ATP10B: variants seen among roughly 807,000 people sequenced by gnomAD.
ATP10B encodes ATPase phospholipid transporting 10B (putative).
In ATP10B, 122 loss-of-function variants were observed where a neutral mutation model predicts 141.2. The ratio of observed to expected loss-of-function variants is 0.86; its 90% CI spans 0.75 to 1.00. The LOEUF is 1.00. Among genes scored for constraint, ATP10B ranks in the 50% least tolerant of loss-of-function variants. The pLI is 0.00. For missense variants in ATP10B, 1,876 were observed against 1,825.3 expected (o/e 1.03, Z -0.51); for synonymous variants, 685 against 692.0 (o/e 0.99, Z 0.16).
chr5:160,849,004 T>C (rs567852169), intron 1 of ATP10B, among the ~76,000 whole-genome samples: 2 of 152,302 alleles, frequency 1.3e-5, no homozygotes, highest in South Asian at 4.1e-4. Flanking sequence ...AAAACAGATT[T>C]CTGAGTGATC....
chr5:160,883,742 C>T, the ATP10B span, among the ~76,000 whole-genome samples: 16 of 151,884 alleles, frequency 1.1e-4, no homozygotes, highest in South Asian at 2.1e-4. Flanking sequence ...TCAAAACACA[C>T]GCAAAAAGAA....
intron 1 of ATP10B, among the ~76,000 whole-genome samples, chr5:160,809,360 A>G (rs186918437): frequency 2.0e-4 from 31 of 152,304 alleles, no homozygotes; most frequent in African/African-American, 6.3e-4. Flanking sequence ...TTATCCATCT[A>G]TGGCCACTAG....
At chr5:160,632,497 T>C in intron 12 of ATP10B, 130 bp from the exon 13 acceptor site, 1 of 806,638 alleles carries the variant, frequency 1.2e-6, no homozygotes, top group Non-Finnish European at 2.0e-6. Context: ...AATTGGCATC[T>C]GGGCTACCAA....
chr5:160,707,826 C>A (rs773306595), intron 3 of ATP10B, among the ~76,000 whole-genome samples: 8 of 152,184 alleles, frequency 5.3e-5, no homozygotes, highest in Non-Finnish European at 1.0e-4. Flanking sequence ...TTTAAGTACT[C>A]CTGTGGCTTG....
At chr5:160,858,220 GTC>G in the ATP10B span, among the ~76,000 whole-genome samples, 6 of 151,708 alleles carry the variant, frequency 4.0e-5, no homozygotes, top group African/African-American at 4.8e-5. Context: ...ATTATATAAT[GTC>G]TCTGTCTCTG....
chr5:160,659,930 C>A (rs1243054166), intron 7 of ATP10B, among the ~76,000 whole-genome samples: 2 of 152,076 alleles, frequency 1.3e-5, no homozygotes, highest in African/African-American at 4.8e-5. Flanking sequence ...CACTATATTA[C>A]CTGGATAATC....
At position 160,604,025 on chromosome 5, in the gene ATP10B, A is replaced by G; in HGVS notation, c.3177T>C (p.Asp1059=). Residue 1059 remains aspartate (D), a synonymous_variant, in exon 20 of 26, where the codon GAT becomes GAC. Coordinates refer to ENST00000327245, the MANE Select transcript of ATP10B (RefSeq NM_025153.3). ...TATCAGCAGCTTGAATCATGCTTAC[A>G]TCATTTGCTCCATCACCTGAAAGAG... is the stretch of plus-strand genomic sequence containing the variant. ...MTLSIGDGAN[D]VSMIQAADIG... 1.2e-6 allele frequency: 2 copies of G among 1,613,918 alleles called. No homozygotes were observed. Among genetic ancestry groups the G allele is most frequent in the Non-Finnish European group, 8.5e-7 (1 of 1,179,912 alleles).
At chr5:160,675,139 C>A (rs1458212946) in intron 6 of ATP10B, among the ~76,000 whole-genome samples, 1 of 152,174 alleles carries the variant, frequency 6.6e-6, no homozygotes, top group Non-Finnish European at 1.5e-5. Context: ...CAGGAGCCGC[C>A]TGCAGAAGTC....
chr5:160,873,178 C>G, the ATP10B span, among the ~76,000 whole-genome samples: 1 of 149,104 alleles, frequency 6.7e-6, no homozygotes, highest in African/African-American at 2.5e-5. Flanking sequence ...TGATTCTCTG[C>G]GGTCTCTTGT....
chr5:160,791,849 G>A (rs1206042515), intron 1 of ATP10B, among the ~76,000 whole-genome samples: 1 of 152,126 alleles, frequency 6.6e-6, no homozygotes, highest in Non-Finnish European at 1.5e-5. Context: ...TGGACTTGGA[G>A]AGAAAACTGA....
At chr5:160,830,789 G>A (rs1239895045) in intron 1 of ATP10B, among the ~76,000 whole-genome samples, 2 of 152,034 alleles carry the variant, frequency 1.3e-5, no homozygotes, top group Admixed American at 6.6e-5. Context: ...ATGGAATCTA[G>A]AAGGATCACT....
chr5:160,831,868 A>C (rs112169626), intron 1 of ATP10B, among the ~76,000 whole-genome samples: 17 of 152,264 alleles, frequency 1.1e-4, no homozygotes, highest in African/African-American at 3.6e-4. Flanking sequence ...TGGTTTGAAT[A>C]AAGTTAAATT....
chr5:160,771,605 G>T (rs1769908966), intron 2 of ATP10B, among the ~76,000 whole-genome samples: 1 of 152,224 alleles, frequency 6.6e-6, no homozygotes, highest in East Asian at 1.9e-4. Flanking sequence ...CTATAGTCAA[G>T]CTAATTAACA....
intron 3 of ATP10B, among the ~76,000 whole-genome samples, chr5:160,703,092 T>C (rs895967967): frequency 3.9e-5 from 6 of 152,180 alleles, no homozygotes; most frequent in Admixed American, 1.3e-4. Context: ...GAAATTGTGG[T>C]TTGGAGGATG....
At chr5:160,830,994 C>CTCAA (rs1775037723) in intron 1 of ATP10B, among the ~76,000 whole-genome samples, 1 of 151,332 alleles carries the variant, frequency 6.6e-6, no homozygotes. Context: ...CACACACACA[C>CTCAA]ACACAGAGTG....
chr5:160,835,567 G>T (rs921247255), intron 1 of ATP10B, among the ~76,000 whole-genome samples: 1 of 152,120 alleles, frequency 6.6e-6, no homozygotes, highest in Non-Finnish European at 1.5e-5. Context: ...CACCTCAGGG[G>T]TTAAGGATAA....
At chr5:160,877,339 T>C in the ATP10B span, among the ~76,000 whole-genome samples, 1 of 134,528 alleles carries the variant, frequency 7.4e-6, no homozygotes, top group Non-Finnish European at 1.6e-5. Context: ...CAACAACCCT[T>C]CATGCTAAAA....
chr5:160,729,798 G>A (rs1397281540), intron 2 of ATP10B, among the ~76,000 whole-genome samples: 3 of 152,162 alleles, frequency 2.0e-5, no homozygotes, highest in Non-Finnish European at 4.4e-5. Context: ...GAGTGAGGTG[G>A]GGAGATGGTG....
rs770514382 is a variant in ATP10B, at chr5:160,565,870, A to G, written c.3969T>C (p.Cys1323=). Residue 1323 remains cysteine, a synonymous_variant, in exon 26 of 26, where the codon TGT becomes TGC. Transcript: ENST00000327245. ...GAGCTTTTGAGATTAGAGACTTCCC[A>G]CAAGTTCCTTGCAGAGACAGGAAAA... ...RYFFLSLQGT[C]GKSLISKAQK... 1.2e-6 allele frequency: 2 copies of G among 1,613,008 alleles called. No individual in the cohort carries two copies. The highest frequency in any genetic ancestry group is 4.5e-5 in the East Asian group (2 of 44,886).
Sources: allele counts gnomAD v4.1 joint callset (sites outside exome capture counted in the v4.1 genomes callset), GRCh38; gene constraint gnomAD v4.1.1; transcripts MANE v1.5; gene names NCBI Gene and HGNC (gene_info 2026-07-23, HGNC 2026-07-21).